Variants in ZNF184 observed in about 807,000 individuals in gnomAD.
The protein encoded by ZNF184 is zinc finger protein 184, also known as zinc finger protein 184 (Kruppel-like).
ZNF184 carries 16 observed loss-of-function variants against 54.4 expected under a neutral mutation model. That is an observed-to-expected ratio of 0.29 (90% CI 0.20 to 0.45). ZNF184 has a LOEUF of 0.45. ZNF184 is among the 20% of genes least tolerant of loss of function. The pLI is 1.00. For synonymous variants in ZNF184, 254 were observed against 295.3 expected (o/e 0.86, Z 1.43); for missense variants, 681 against 888.2 (o/e 0.77, Z 2.97).
chr6:27,469,272 CAAG>C (rs1204307387), intron 2 of ZNF184, among the ~76,000 whole-genome samples: 1 of 152,120 alleles, frequency 6.6e-6, no homozygotes, highest in Non-Finnish European at 1.5e-5. Flanking sequence ...AGAAGTAAGA[CAAG>C]AAGAATTTTC....
At chr6:27,468,499 T>C (rs1435647448) in intron 2 of ZNF184, among the ~76,000 whole-genome samples, 3 of 152,220 alleles carry the variant, frequency 2.0e-5, no homozygotes, top group Non-Finnish European at 4.4e-5. Flanking sequence ...ATGACTATCC[T>C]ATGACTCAGC....
At chr6:27,423,802 T>C in the ZNF184 span, among the ~76,000 whole-genome samples, 208 of 152,356 alleles carry the variant, frequency 1.4e-3, 1 homozygote, top group Admixed American at 4.4e-3. Flanking sequence ...AACAAAATGT[T>C]CACATATTCA....
the ZNF184 span, among the ~76,000 whole-genome samples, chr6:27,423,215 A>G: frequency 6.6e-6 from 1 of 152,198 alleles, no homozygotes; most frequent in Non-Finnish European, 1.5e-5. Context: ...CACGCGCCTT[A>G]GAAACCCCGT....
intron 4 of ZNF184, 71 bp downstream of exon 4, chr6:27,457,212 C>A: frequency 6.5e-7 from 1 of 1,541,730 alleles, no homozygotes; most frequent in Non-Finnish European, 8.7e-7. Flanking sequence ...TAAAGGCAAA[C>A]TCCCCTGAGC....
the ZNF184 span, among the ~76,000 whole-genome samples, chr6:27,437,284 C>T: frequency 2.6e-5 from 4 of 152,172 alleles, no homozygotes; most frequent in Non-Finnish European, 5.9e-5. Flanking sequence ...GAGCTTTCTC[C>T]AGCTGGTAGC....
chr6:27,423,320 A>C, the ZNF184 span, among the ~76,000 whole-genome samples: 1 of 152,326 alleles, frequency 6.6e-6, no homozygotes, highest in East Asian at 1.9e-4. Flanking sequence ...GGGATTGTCC[A>C]ACAGGAATAG....
the ZNF184 span, among the ~76,000 whole-genome samples, chr6:27,410,135 G>A: frequency 6.6e-6 from 1 of 152,310 alleles, no homozygotes; most frequent in African/African-American, 2.4e-5. Flanking sequence ...ACTCTATGAT[G>A]TTACAAGGAC....
At chr6:27,423,207 C>T in the ZNF184 span, among the ~76,000 whole-genome samples, 1 of 152,212 alleles carries the variant, frequency 6.6e-6, no homozygotes, top group Non-Finnish European at 1.5e-5. Flanking sequence ...AGGATTTCCA[C>T]GCGCCTTAGA....
the ZNF184 span, among the ~76,000 whole-genome samples, chr6:27,413,123 TGGC>T: frequency 6.6e-6 from 1 of 152,154 alleles, no homozygotes; most frequent in African/African-American, 2.4e-5. Context: ...CCAGGCGTGG[TGGC>T]ACATGCCTGT....
the ZNF184 span, among the ~76,000 whole-genome samples, chr6:27,416,515 A>G: frequency 6.6e-6 from 1 of 152,208 alleles, no homozygotes; most frequent in Non-Finnish European, 1.5e-5. Context: ...TCATGACAAT[A>G]TCCTAACAAC....
chr6:27,457,145 A>AG, intron 4 of ZNF184, 138 bp downstream of exon 4: 1 of 1,236,272 alleles, frequency 8.1e-7, no homozygotes, highest in Non-Finnish European at 1.1e-6. Context: ...TCTGCTTGCT[A>AG]GGATGGTAGA....
chr6:27,441,113 G>T, the ZNF184 span, among the ~76,000 whole-genome samples: 1 of 152,176 alleles, frequency 6.6e-6, no homozygotes, highest in South Asian at 2.1e-4. Context: ...AAGAAACCCA[G>T]TTGGCTGACC....
chr6:27,439,307 A>G, the ZNF184 span, among the ~76,000 whole-genome samples: 1 of 152,366 alleles, frequency 6.6e-6, no homozygotes, highest in Admixed American at 6.5e-5. Flanking sequence ...GAAAATATTA[A>G]AAGGAAAATT....
chr6:27,408,045 T>C, the ZNF184 span: 177 of 890,220 alleles, frequency 2.0e-4, no homozygotes, highest in South Asian at 2.2e-3. Context: ...CCTGGGATAA[T>C]GTGATTGAAT....
chr6:27,426,736 GACTATT>G, the ZNF184 span, among the ~76,000 whole-genome samples: 4 of 152,084 alleles, frequency 2.6e-5, no homozygotes, highest in Non-Finnish European at 5.9e-5. This position sits in a 1 kb window ranked among gnomAD's most constrained non-coding sequence, Gnocchi z 4.2. Flanking sequence ...AGTTCCTTTG[GACTATT>G]ACTATTTCCT....
At chr6:27,417,868 C>T in the ZNF184 span, among the ~76,000 whole-genome samples, 983 of 152,288 alleles carry the variant, frequency 6.5e-3, 7 homozygotes, top group African/African-American at 0.021. Flanking sequence ...GTACTGAGCA[C>T]TCCACAATCT....
chr6:27,407,659 G>T, the ZNF184 span: 1 of 636,142 alleles, frequency 1.6e-6, no homozygotes, highest in Admixed American at 2.2e-5. Flanking sequence ...AACTTGCTGA[G>T]TCATGCAAGC....
chr6:27,417,682 G>A, the ZNF184 span, among the ~76,000 whole-genome samples: 3 of 151,644 alleles, frequency 2.0e-5, no homozygotes, highest in Non-Finnish European at 4.4e-5. Context: ...GCTTGAGGCC[G>A]ATTCTGATTC....
intron 3 of ZNF184, among the ~76,000 whole-genome samples, chr6:27,465,029 A>AAAG (rs1763092439): frequency 6.7e-6 from 1 of 148,502 alleles, no homozygotes; most frequent in Non-Finnish European, 1.5e-5. Flanking sequence ...AAAAAAAAAA[A>AAAG]AAAAAAAATA....
Sources: allele counts gnomAD v4.1 joint callset (sites outside exome capture counted in the v4.1 genomes callset), GRCh38; gene constraint gnomAD v4.1.1; non-coding constraint Gnocchi (gnomAD v3.1); transcripts MANE v1.5; gene names NCBI Gene and HGNC (gene_info 2026-07-23, HGNC 2026-07-21).